COL7A1: variants seen among roughly 807,000 people sequenced by gnomAD.
COL7A1 encodes collagen alpha-1(VII) chain.
Under a neutral mutation model 456.2 loss-of-function variants are expected in COL7A1, and 296 were observed. That is an observed-to-expected ratio of 0.65 (90% CI 0.59 to 0.71). The LOEUF (loss-of-function observed/expected upper bound fraction) is 0.71, where lower values mean the gene tolerates loss of function less well. Ranked by LOEUF, COL7A1 falls within the 30% of genes least tolerant of loss-of-function variation. The pLI is 0.00. For synonymous variants in COL7A1, 1,464 were observed against 1,525.9 expected (o/e 0.96, Z 0.95); for missense variants, 3,441 against 4,017.2 (o/e 0.86, Z 3.88).
Position 48,568,429 on chromosome 3 carries a change from T to G in COL7A1, c.7794+70A>C. The G allele has an allele frequency of 6.8e-7, 1 of 1,480,446 alleles. No homozygotes were observed. The highest frequency in any genetic ancestry group is 9.3e-7 in the Non-Finnish European group (1 of 1,078,114). The allele number at this position is 1,480,446 out of a possible 1,614,324, so 91.7% of individuals were successfully genotyped here. Reference sequence around the variant, plus strand: ...ACTATAAGGTCAAAAGCTACCACACTGGTGGGACCACCATGGTGACGGGGG... The same window carrying G: ...ACTATAAGGTCAAAAGCTACCACACGGGTGGGACCACCATGGTGACGGGGG... On this transcript the variant is annotated intron_variant, in intron 105 of 118. Coordinates refer to ENST00000681320, the MANE Select transcript of COL7A1 (RefSeq NM_000094.4). The surrounding 1 kb of genome is among the most constrained non-coding windows in gnomAD (Gnocchi z 5.2).
chr3:48,594,700 AG>A lies in COL7A1; in HGVS notation c.86-153del. ...ATCGGCCTGAGCCTGAGGGCCTTGG[AG>A]GGAGTTGAGCTCGGTGGGTCCCAGA... On this transcript the variant is annotated intron_variant, in intron 2 of 118. Coordinates refer to ENST00000681320, the MANE Select transcript of COL7A1 (RefSeq NM_000094.4). The surrounding 1 kb of genome is among the most constrained non-coding windows in gnomAD (Gnocchi z 5.5). 1.1e-6 allele frequency: 1 copy of A among 946,256 alleles called. No homozygotes were observed. The highest frequency in any genetic ancestry group is 1.6e-6 in the Non-Finnish European group (1 of 635,766). 58.6% of individuals were successfully genotyped at this position (946,256 alleles called of 1,614,324 possible).
Position 48,588,090 on chromosome 3 carries a change from A to G in COL7A1, c.2711-151T>C. The G allele has an allele frequency of 7.7e-7, 1 of 1,298,034 alleles. No homozygotes were observed. The highest frequency in any genetic ancestry group is 2.5e-5 in the East Asian group (1 of 39,508). 80.4% of individuals were successfully genotyped at this position (1,298,034 alleles called of 1,614,324 possible). ...CTCACTGACCCTGCCCACTTTACGG[A>G]CCCTGCCAGACTGACCCTCCATGAA... On this transcript the variant is annotated intron_variant, in intron 21 of 118. Transcript: ENST00000681320. The surrounding 1 kb of genome is among the most constrained non-coding windows in gnomAD (Gnocchi z 4.6).
Position 48,585,991 on chromosome 3 carries a change from C to T in COL7A1, c.3724-16G>A. On this transcript the variant is annotated splice_polypyrimidine_tract_variant and intron_variant, in intron 28 of 118. Coordinates refer to ENST00000681320, the MANE Select transcript of COL7A1 (RefSeq NM_000094.4). The surrounding 1 kb of genome is among the most constrained non-coding windows in gnomAD (Gnocchi z 4.5). ...CTGGCCGGGGCTGCGGACATAGGGT[C>T]TCTTTGAGGTTGAACATTTCTACCA... is the stretch of plus-strand genomic sequence containing the variant. The T allele has an allele frequency of 1.2e-6, 2 of 1,613,828 alleles. No homozygotes were observed. The highest frequency in any genetic ancestry group is 2.2e-5 in the East Asian group (1 of 44,882).
rs1163550785 is a variant in COL7A1, at chr3:48,570,481, C to G, written c.7364G>C (p.Gly2455Ala). The change falls in exon 97 of 119, where the codon GGA (glycine) becomes GCA (alanine). Residue 2455 changes from glycine (G) to alanine (A), a missense_variant. Transcript: ENST00000681320. This position sits in a 1 kb window ranked among gnomAD's most constrained non-coding sequence, Gnocchi z 5.5. ...PGSVGPPGAS[G>A]LKGDKGDPGV... ...CCCACCTACCTTGTCTCCTTTGAGT[C>G]CAGAGGCCCCAGGTGGTCCCTGTAG... is the stretch of plus-strand genomic sequence containing the variant. 6.2e-7 allele frequency: 1 copy of G among 1,614,066 alleles called. No individual in the cohort carries two copies. Among genetic ancestry groups the G allele is most frequent in the East Asian group, 2.2e-5 (1 of 44,872 alleles).
Position 48,585,197 on chromosome 3 carries a change from C to T in COL7A1, c.3895-81G>A. On this transcript the variant is annotated intron_variant, in intron 32 of 118. Transcript: ENST00000681320. The surrounding 1 kb of genome is among the most constrained non-coding windows in gnomAD (Gnocchi z 4.5). Reference sequence around the variant, plus strand: ...TGCTGGAGGGGCCTCACCCCATCAACAAGGGGTCGCCTACCCCACTGACCC... The same window carrying T: ...TGCTGGAGGGGCCTCACCCCATCAATAAGGGGTCGCCTACCCCACTGACCC... 1 of 1,401,676 alleles carries T rather than the reference C, an allele frequency of 7.1e-7. No individual in the cohort carries two copies. Among genetic ancestry groups the T allele is most frequent in the Non-Finnish European group, 9.9e-7 (1 of 1,009,232 alleles). The allele number at this position is 1,401,676 out of a possible 1,614,324, so 86.8% of individuals were successfully genotyped here. A position where few individuals can be genotyped will look rare whatever the true frequency, so the allele number is the denominator to read the frequency against.
rs187094987 is a variant in COL7A1 at position 48,574,897 on chromosome 3, C to G, written c.6280-32G>C. 1.8e-4 allele frequency: 295 copies of G among 1,612,810 alleles called. No homozygotes were observed. The highest frequency in any genetic ancestry group is 2.3e-4 in the Non-Finnish European group (269 of 1,179,352). ...ACACAAGGTCACAGGGGAGAGATGT[C>G]TCTGTCATAGAGGCATGGGGGAGTC... is the stretch of plus-strand genomic sequence containing the variant. On this transcript the variant is annotated intron_variant, in intron 76 of 118. Transcript: ENST00000681320. This position sits in a 1 kb window ranked among gnomAD's most constrained non-coding sequence, Gnocchi z 5.0.
In COL7A1 at chr3:48,567,312, A is replaced by G; in HGVS notation, c.8047-122T>C. The G allele has an allele frequency of 7.9e-7, 1 of 1,264,836 alleles. No individual in the cohort carries two copies. Among genetic ancestry groups the G allele is most frequent in the Non-Finnish European group, 1.1e-6 (1 of 881,342 alleles). 78.4% of individuals were successfully genotyped at this position (1,264,836 alleles called of 1,614,324 possible). A position where few individuals can be genotyped will look rare whatever the true frequency, so the allele number is the denominator to read the frequency against. On this transcript the variant is annotated intron_variant, in intron 109 of 118. Transcript: ENST00000681320. This position sits in a 1 kb window ranked among gnomAD's most constrained non-coding sequence, Gnocchi z 4.3. ...ACCTTCTGTAACCCAAGCACCTGTGAGCCAACCAGATGTGATCCCCATGAC... is the reference window on the plus strand; with the variant it reads ...ACCTTCTGTAACCCAAGCACCTGTGGGCCAACCAGATGTGATCCCCATGAC...
rs372786023 is a variant in COL7A1 at position 48,588,942 on chromosome 3, C to T, written c.2368G>A (p.Asp790Asn). The change falls in exon 19 of 119, where the codon GAC becomes AAC. Residue 790 changes from aspartate (D) to asparagine (N), a missense_variant. By Grantham distance (23) the Asp-to-Asn change is conservative. Around this residue, in one of 3 missense-constraint regions of COL7A1, gnomAD observed 913 missense variants for 1,088.2 expected, o/e 0.84. Transcript: ENST00000681320. This position sits in a 1 kb window ranked among gnomAD's most constrained non-coding sequence, Gnocchi z 4.6. ...SRLQILNASS[D>N]VLRITWVGVT... ...CCTACCCAGGTGATCCGTAGAACGTCGCTGGAAGCATTGAGGATCTGCAGC... is the reference window on the plus strand; with the variant it reads ...CCTACCCAGGTGATCCGTAGAACGTTGCTGGAAGCATTGAGGATCTGCAGC... 38 of 1,613,490 alleles carry T rather than the reference C, an allele frequency of 2.4e-5. No individual in the cohort carries two copies. Among genetic ancestry groups the T allele is most frequent in the Non-Finnish European group, 2.9e-5 (34 of 1,180,050 alleles).
rs1019380052 is a variant in COL7A1, at chr3:48,588,004, G to C, written c.2711-65C>G. 2.6e-6 allele frequency: 4 copies of C among 1,519,782 alleles called. No homozygotes were observed. In the African/African-American group the frequency reaches 5.5e-5, roughly 21 times the overall value. The allele number at this position is 1,519,782 out of a possible 1,614,324, so 94.1% of individuals were successfully genotyped here. ...ATAGTGACACCTGGGGGCATTAAAG[G>C]GCCTGCCCACTTCACTGGCTCTGTT... On this transcript the variant is annotated intron_variant, in intron 21 of 118. Transcript: ENST00000681320. The surrounding 1 kb of genome is among the most constrained non-coding windows in gnomAD (Gnocchi z 4.6).
Position 48,580,009 on chromosome 3 carries a change from C to A in COL7A1, c.5124+22G>T. 5.6e-6 allele frequency: 9 copies of A among 1,613,986 alleles called. No individual in the cohort carries two copies. Among genetic ancestry groups the A allele is most frequent in the Non-Finnish European group, 5.9e-6 (7 of 1,179,954 alleles). ...GGCAAGTGAGAACAATGACAGAGGA[C>A]CAGACCCAGCGCAGCCCTTACCAGC... On this transcript the variant is annotated intron_variant, in intron 57 of 118. Coordinates refer to ENST00000681320, the MANE Select transcript of COL7A1 (RefSeq NM_000094.4). The surrounding 1 kb of genome is among the most constrained non-coding windows in gnomAD (Gnocchi z 4.5).
In COL7A1 at chr3:48,570,662, G is replaced by A. The variant is rs1403930388; in HGVS notation, c.7321C>T (p.Pro2441Ser). 2 of 1,595,686 alleles carry A rather than the reference G, an allele frequency of 1.3e-6. No individual in the cohort carries two copies. The highest frequency in any genetic ancestry group is 1.7e-5 in the Admixed American group (1 of 57,816). Residue 2441 changes from proline to serine, a missense_variant, in exon 96 of 119, where the codon CCA becomes TCA. Pro to Ser is a moderately conservative substitution (Grantham distance 74). Transcript: ENST00000681320. The surrounding 1 kb of genome is among the most constrained non-coding windows in gnomAD (Gnocchi z 5.5). ...GREGIPGPLGPPGPPGSVGPP... is the reference protein window; with the variant it reads ...GREGIPGPLGSPGPPGSVGPP... ...ACCACTGACCCCGGTGGTCCAGGTG[G>A]CCCCAGGGGTCCTGGGATTCCTTCT... is the stretch of plus-strand genomic sequence containing the variant.
At position 48,564,245 on chromosome 3, in the gene COL7A1, G is replaced by C. The variant is rs2043508270; in HGVS notation, c.*161C>G. The stretch of plus-strand genomic sequence containing the variant: ...GCCACAATGGGGGTTTGTCCACAGG[G>C]GGGAAGGCTAGACCCACGGGACCAA... On this transcript the variant is annotated 3_prime_UTR_variant, in exon 119 of 119. Coordinates refer to ENST00000681320, the MANE Select transcript of COL7A1 (RefSeq NM_000094.4). This position sits in a 1 kb window ranked among gnomAD's most constrained non-coding sequence, Gnocchi z 6.0. 1 of 853,856 alleles carries C rather than the reference G, an allele frequency of 1.2e-6. No individual in the cohort carries two copies. Among genetic ancestry groups the C allele is most frequent in the Non-Finnish European group, 1.9e-6 (1 of 520,556 alleles). The allele number at this position is 853,856 out of a possible 1,614,324, so 52.9% of individuals were successfully genotyped here.
Position 48,575,324 on chromosome 3 carries a change from A to G in COL7A1, c.6180+15T>C, listed in dbSNP as rs1356793315. 6.6e-6 allele frequency: 7 copies of G among 1,057,642 alleles called. No homozygotes were observed. In the East Asian group the frequency reaches 3.6e-4, roughly 54 times the overall value. The allele number at this position is 1,057,642 out of a possible 1,614,324, so 65.5% of individuals were successfully genotyped here. On this transcript the variant is annotated intron_variant, in intron 74 of 118. Coordinates refer to ENST00000681320, the MANE Select transcript of COL7A1 (RefSeq NM_000094.4). This position sits in a 1 kb window ranked among gnomAD's most constrained non-coding sequence, Gnocchi z 6.3. The stretch of plus-strand genomic sequence containing the variant: ...CCCCTCTTCCCTCACTCTCCTGGCC[A>G]GCCCCCAGCCTCACCCTCTCTCCTG...
In COL7A1 at chr3:48,576,576, C is replaced by A; in HGVS notation, c.5701-19G>T. On this transcript the variant is annotated intron_variant, in intron 68 of 118. Coordinates refer to ENST00000681320, the MANE Select transcript of COL7A1 (RefSeq NM_000094.4). ...GAAAACCCTGAGATACGGCAGAACA[C>A]AAAGGGGTCACAAAGGCCCATGGCT... 6.2e-7 allele frequency: 1 copy of A among 1,604,562 alleles called. No individual in the cohort carries two copies.
Position 48,580,197 on chromosome 3 carries a change from T to C in COL7A1, c.5097+103A>G, listed in dbSNP as rs2044643461. ...CCCAGCAGGCATGGGTGGCCATCCA[T>C]GCTTCCCACCTGGACCTCCAGACCC... On this transcript the variant is annotated intron_variant, in intron 56 of 118. Coordinates refer to ENST00000681320, the MANE Select transcript of COL7A1 (RefSeq NM_000094.4). The surrounding 1 kb of genome is among the most constrained non-coding windows in gnomAD (Gnocchi z 4.5). The C allele has an allele frequency of 6.5e-7, 1 of 1,543,506 alleles. No individual in the cohort carries two copies.
At position 48,566,208 on chromosome 3, in the gene COL7A1, C is replaced by T; in HGVS notation, c.8407+59G>A. 1 of 1,554,742 alleles carries T rather than the reference C, an allele frequency of 6.4e-7. No individual in the cohort carries two copies. Among genetic ancestry groups the T allele is most frequent in the South Asian group, 1.2e-5 (1 of 84,830 alleles). On this transcript the variant is annotated intron_variant, in intron 114 of 118. Transcript: ENST00000681320. This position sits in a 1 kb window ranked among gnomAD's most constrained non-coding sequence, Gnocchi z 5.9. ...TTGCCCTGTAAGTTCTAGGGGCCTG[C>T]CTGCCCTTGCCTAGGGTGCTGGGGT...
Position 48,578,805 on chromosome 3 carries a change from A to G in COL7A1, c.5424+114T>C. 8.7e-7 allele frequency: 1 copy of G among 1,143,706 alleles called. No homozygotes were observed. The highest frequency in any genetic ancestry group is 1.2e-6 in the Non-Finnish European group (1 of 817,656). 70.8% of individuals were successfully genotyped at this position (1,143,706 alleles called of 1,614,324 possible). Reference sequence around the variant, plus strand: ...GTGCCAGGGACTGAGACCCTCCCAAAGGCAAGGCTGAACCGACCCCCCACC... The same window carrying G: ...GTGCCAGGGACTGAGACCCTCCCAAGGGCAAGGCTGAACCGACCCCCCACC... On this transcript the variant is annotated intron_variant, in intron 63 of 118. Coordinates refer to ENST00000681320, the MANE Select transcript of COL7A1 (RefSeq NM_000094.4). This position sits in a 1 kb window ranked among gnomAD's most constrained non-coding sequence, Gnocchi z 4.7.
chr3:48,588,503 AC>A lies in COL7A1; in HGVS notation c.2588-100del, dbSNP rs1195890749. 6.3e-7 allele frequency: 1 copy of A among 1,588,214 alleles called. No individual in the cohort carries two copies. The highest frequency in any genetic ancestry group is 8.6e-7 in the Non-Finnish European group (1 of 1,166,730). ...ACACGCACCCCGCCCAGCCTCTCAG[AC>A]CCCTCTCCCTCCTCTCAGACCCTGC... On this transcript the variant is annotated intron_variant, in intron 20 of 118. Coordinates refer to ENST00000681320, the MANE Select transcript of COL7A1 (RefSeq NM_000094.4). The surrounding 1 kb of genome is among the most constrained non-coding windows in gnomAD (Gnocchi z 4.6).
rs2043713709 is a variant in COL7A1 at position 48,568,503 on chromosome 3, T to C, written c.7790A>G (p.Asp2597Gly). The part of the protein sequence containing the change: ...GQPGAAGIPG[D>G]PGSPGKDGVP... ...GTGGGAGCAGGGGCATCTTACCGGG[T>C]CACCAGGGATCCCTGCTGCACCAGG... The change falls in exon 105 of 119, where the codon GAC (aspartate) becomes GGC (glycine). Residue 2597 changes from aspartate (D) to glycine (G), a missense_variant. Asp to Gly is a moderately conservative substitution (Grantham distance 94). Transcript: ENST00000681320. This position sits in a 1 kb window ranked among gnomAD's most constrained non-coding sequence, Gnocchi z 5.2. 7 of 1,605,046 alleles carry C rather than the reference T, an allele frequency of 4.4e-6. No individual in the cohort carries two copies. In the South Asian group the frequency reaches 6.6e-5, roughly 15 times the overall value.
Sources: gnomAD v4.1 joint callset for allele counts on GRCh38, gnomAD v4.1.1 for gene constraint, gnomAD v4.1.1 regional missense constraint, Gnocchi (gnomAD v3.1) non-coding constraint, MANE v1.5 for transcripts, NCBI Gene and HGNC (gene_info 2026-07-23, HGNC 2026-07-21) for gene names.